RALYL: variants seen among roughly 807,000 people sequenced by gnomAD.
RALYL encodes the protein RNA-binding Raly-like protein.
RALYL carries 29 observed loss-of-function variants against 35.1 expected under a neutral mutation model. The observed-to-expected ratio is 0.83, with a 90% CI of 0.61 to 1.13. RALYL has a LOEUF of 1.13. RALYL is among the 50% of genes most tolerant of loss of function. RALYL has a pLI of 0.00. For missense variants in RALYL, 359 were observed against 360.4 expected (o/e 1.00, Z 0.03); for synonymous variants, 120 against 127.6 (o/e 0.94, Z 0.40).
chr8:84,682,669 G>T lies in RALYL; in HGVS notation c.257-91910G>T, dbSNP rs184752044. 4.1e-3 allele frequency among the ~76,000 whole-genome samples: 621 copies of T among 152,168 alleles called. 9 individuals carry two copies. Among genetic ancestry groups the T allele is most frequent in the South Asian group, 0.035 (168 of 4,826 alleles). Reference sequence around the variant, plus strand: ...TTCTCTGATGGTATTTTGTATTTCTGTGGGATCAGTGGTGATATCCCCTTT... The same window carrying T: ...TTCTCTGATGGTATTTTGTATTTCTTTGGGATCAGTGGTGATATCCCCTTT... On this transcript the variant is annotated intron_variant, in intron 2 of 8. Transcript: ENST00000521268.
chr8:84,760,302 A>G (rs1812387233), intron 2 of RALYL, among the ~76,000 whole-genome samples: 1 of 152,120 alleles, frequency 6.6e-6, no homozygotes, highest in Non-Finnish European at 1.5e-5. Flanking sequence ...TAATGTTCTT[A>G]CTAAATTAGG....
intron 1 of RALYL, among the ~76,000 whole-genome samples, chr8:84,491,043 T>C (rs1042539516): frequency 1.3e-5 from 2 of 151,910 alleles, no homozygotes; most frequent in Admixed American, 6.6e-5. Context: ...GGAAGAACGT[T>C]TTTTGCCCAA....
chr8:84,544,295 TC>T (rs1171825694), intron 2 of RALYL, among the ~76,000 whole-genome samples: 4 of 152,092 alleles, frequency 2.6e-5, no homozygotes, highest in African/African-American at 9.6e-5. Flanking sequence ...TAGCTTTTTT[TC>T]CCTCTGCTAT....
intron 2 of RALYL, among the ~76,000 whole-genome samples, chr8:84,603,298 T>C (rs994401783): frequency 2.0e-5 from 3 of 152,062 alleles, no homozygotes; most frequent in African/African-American, 4.8e-5. Context: ...TATATGAGCT[T>C]GCTATTATTA....
chr8:84,200,089 A>G (rs775988519), intron 1 of RALYL, among the ~76,000 whole-genome samples: 30 of 152,154 alleles, frequency 2.0e-4, no homozygotes, highest in Non-Finnish European at 2.2e-4. Flanking sequence ...ATATATTCTT[A>G]TGATTCAACC....
chr8:84,348,905 C>T (rs1340856381), intron 1 of RALYL, among the ~76,000 whole-genome samples: 2 of 149,994 alleles, frequency 1.3e-5, no homozygotes, highest in African/African-American at 2.5e-5. Flanking sequence ...CTATGATTAA[C>T]TAACCTGTGA....
chr8:84,729,809 A>G (rs955965535), intron 2 of RALYL, among the ~76,000 whole-genome samples: 1 of 152,162 alleles, frequency 6.6e-6, no homozygotes, highest in African/African-American at 2.4e-5. Context: ...TCCTCGACAT[A>G]TACACTCTCC....
intron 3 of RALYL, among the ~76,000 whole-genome samples, chr8:84,793,588 G>A (rs769551678): frequency 2.6e-4 from 40 of 152,154 alleles, no homozygotes; most frequent in African/African-American, 9.4e-4. Flanking sequence ...GATAGATACA[G>A]CTCTATAGAG....
chr8:84,814,633 A>C (rs1826744040), intron 4 of RALYL, among the ~76,000 whole-genome samples: 1 of 152,178 alleles, frequency 6.6e-6, no homozygotes, highest in Admixed American at 6.5e-5. Flanking sequence ...AGTGGAAAAA[A>C]AAACTGTCAA....
chr8:84,913,032 A>ATGGATGGATGGATAGG (rs567355226), intron 8 of RALYL, among the ~76,000 whole-genome samples: 2 of 109,048 alleles, frequency 1.8e-5, no homozygotes, highest in Admixed American at 1.1e-4. Flanking sequence ...GGATGGATGG[A>ATGGATGGATGGATAGG]TAGGTAGGTA....
intron 2 of RALYL, among the ~76,000 whole-genome samples, chr8:84,728,412 C>T (rs1048962894): frequency 5.3e-5 from 8 of 151,540 alleles, no homozygotes; most frequent in Admixed American, 1.3e-4. Flanking sequence ...AATTTTCTCC[C>T]ATTTTGTAGG....
intron 3 of RALYL, among the ~76,000 whole-genome samples, chr8:84,792,037 GGT>G (rs1820902062): frequency 6.6e-6 from 1 of 152,238 alleles, no homozygotes; most frequent in Admixed American, 6.5e-5. Flanking sequence ...AAGCACCCCT[GGT>G]CTCTGGCCCC....
chr8:84,581,938 G>A (rs1330211299), intron 2 of RALYL, among the ~76,000 whole-genome samples: 1 of 151,990 alleles, frequency 6.6e-6, no homozygotes, highest in Non-Finnish European at 1.5e-5. Flanking sequence ...TAATTCTGAT[G>A]TATTTTATTA....
At chr8:84,439,178 T>A (rs2048066805) in intron 1 of RALYL, among the ~76,000 whole-genome samples, 2 of 152,120 alleles carry the variant, frequency 1.3e-5, no homozygotes, top group Non-Finnish European at 2.9e-5. Flanking sequence ...CTTTGGGCAG[T>A]ATGGTTGTTT....
At chr8:84,207,578 G>A (rs1334101034) in intron 1 of RALYL, among the ~76,000 whole-genome samples, 1 of 151,982 alleles carries the variant, frequency 6.6e-6, no homozygotes, top group African/African-American at 2.4e-5. Flanking sequence ...ACAAAATGGG[G>A]AGATGTTGGT....
intron 2 of RALYL, among the ~76,000 whole-genome samples, chr8:84,533,076 T>C (rs1298521248): frequency 6.6e-6 from 1 of 152,100 alleles, no homozygotes; most frequent in Non-Finnish European, 1.5e-5. Flanking sequence ...TTATTCAGAA[T>C]TTTTTTAAAT....
chr8:84,608,598 T>C (rs1408938464), intron 2 of RALYL, among the ~76,000 whole-genome samples: 3 of 152,172 alleles, frequency 2.0e-5, no homozygotes, highest in African/African-American at 7.2e-5. Context: ...ATTTGCTCCA[T>C]ATTACTCCTG....
At chr8:84,424,088 C>T (rs2046031122) in intron 1 of RALYL, among the ~76,000 whole-genome samples, 2 of 151,910 alleles carry the variant, frequency 1.3e-5, no homozygotes, top group Non-Finnish European at 2.9e-5. Flanking sequence ...TGAATCTGAA[C>T]ATTGGCCTGC....
intron 8 of RALYL, among the ~76,000 whole-genome samples, chr8:84,916,722 C>G (rs534306502): frequency 3.1e-4 from 47 of 152,114 alleles, no homozygotes; most frequent in Middle Eastern, 3.4e-3. Flanking sequence ...CAGACTAATA[C>G]AGTAAGCCAT....
Sources: gnomAD v4.1 joint callset for allele counts (sites outside exome capture counted in the v4.1 genomes callset) on GRCh38, gnomAD v4.1.1 for gene constraint, MANE v1.5 for transcripts, NCBI Gene and HGNC (gene_info 2026-07-23, HGNC 2026-07-21) for gene names.